Variants in SLC43A1 observed in about 807,000 individuals in gnomAD.
The protein encoded by SLC43A1 is solute carrier family 43 member 1, also known as large neutral amino acids transporter small subunit 3.
Under a neutral mutation model 59.5 loss-of-function variants are expected in SLC43A1, and 31 were observed. The observed-to-expected ratio is 0.52, with a 90% CI of 0.39 to 0.70. The LOEUF is 0.70. SLC43A1 is among the 30% of genes least tolerant of loss of function. The pLI, the probability that SLC43A1 is intolerant of heterozygous loss-of-function variation, is 0.00. For synonymous variants in SLC43A1, 259 were observed against 290.9 expected, an observed-to-expected ratio of 0.89 and a Z score of 1.12; for missense variants, 598 against 717.8, an observed-to-expected ratio of 0.83 and a Z score of 1.91.
In SLC43A1 at chr11:57,514,133, A is replaced by C; in HGVS notation, c.-13-9T>G. The C allele has an allele frequency of 1.3e-6, 2 of 1,571,742 alleles. No homozygotes were observed. The highest frequency in any genetic ancestry group is 1.7e-6 in the Non-Finnish European group (2 of 1,161,100). ...CCATGCTGGCCCCGAGCCTGCACAG[A>C]AACAGAGCGCTGGGTGAAGGGCCCC... On this transcript the variant is annotated splice_polypyrimidine_tract_variant and intron_variant, in intron 1 of 14. Transcript: ENST00000278426. The surrounding 1 kb of genome is among the most constrained non-coding windows in gnomAD (Gnocchi z 5.5).
At chr11:57,493,516 C>T (rs946702034) in intron 8 of SLC43A1, among the ~76,000 whole-genome samples, 1 of 152,206 alleles carries the variant, frequency 6.6e-6, no homozygotes, top group Admixed American at 6.5e-5. Context: ...CCAAGGAGCT[C>T]CTTCCACTTA....
At chr11:57,497,280 G>A in intron 6 of SLC43A1, among the ~76,000 whole-genome samples, 1 of 152,168 alleles carries the variant, frequency 6.6e-6, no homozygotes, top group East Asian at 1.9e-4. Context: ...TTGGTCCCCT[G>A]GCTTCGAGGT....
Position 57,491,829 on chromosome 11 carries a change from G to A in SLC43A1, c.905C>T (p.Pro302Leu). The change falls in exon 9 of 15, where the codon CCC (proline) becomes CTC (leucine). Residue 302 changes from proline (P) to leucine (L), a missense_variant. Coordinates refer to ENST00000278426, the MANE Select transcript of SLC43A1 (RefSeq NM_003627.6). ...SVPLRKSLCSPTFLWSLLTMG... is the reference protein window; with the variant it reads ...SVPLRKSLCSLTFLWSLLTMG... ...GGTGAGGAGGCTCCACAGGAAAGTG[G>A]GGGAGCAGAGGCTCTTGCGTAAGGG... is the stretch of plus-strand genomic sequence containing the variant. The A allele has an allele frequency of 1.2e-6, 2 of 1,614,184 alleles. No individual in the cohort carries two copies. The highest frequency in any genetic ancestry group is 1.7e-6 in the Non-Finnish European group (2 of 1,180,022).
intron 5 of SLC43A1, 41 bp downstream of exon 5, chr11:57,500,738 T>G: frequency 6.3e-7 from 1 of 1,590,132 alleles, no homozygotes; most frequent in Non-Finnish European, 8.6e-7. Context: ...CTCACCCCAC[T>G]CGGGGGAACT....
At chr11:57,493,840 C>T (rs548410136) in intron 8 of SLC43A1, among the ~76,000 whole-genome samples, 153 bp downstream of exon 8, 55 of 152,290 alleles carry the variant, frequency 3.6e-4, no homozygotes, top group Admixed American at 6.5e-4. Context: ...TTTGATGTGC[C>T]CATCTGTAAA....
intron 2 of SLC43A1, among the ~76,000 whole-genome samples, chr11:57,509,642 G>T (rs1253629883): frequency 3.1e-5 from 4 of 129,974 alleles, no homozygotes; most frequent in African/African-American, 1.2e-4. Flanking sequence ...AGGAAGGAAG[G>T]AAGGAAGGAG....
chr11:57,500,943 C>A, intron 4 of SLC43A1, 45 bp downstream of exon 4: 1 of 1,598,462 alleles, frequency 6.3e-7, no homozygotes, highest in East Asian at 2.3e-5. Context: ...GCCTTCATCC[C>A]ACCTATTCTT....
rs1247849783 is a variant in SLC43A1 at position 57,492,494 on chromosome 11, TATATA to T, written c.872-637_872-633del. ...AATTTATATATAAAAAATAATATAA[TATATA>T]ATATAATATATAATAATATAATATA... On this transcript the variant is annotated intron_variant, in intron 8 of 14. Transcript: ENST00000278426. Among the ~76,000 whole-genome samples the T allele has an allele frequency of 6.9e-4, 86 of 125,032 alleles. 1 individual carries two copies. The highest frequency in any genetic ancestry group is 2.2e-3 in the African/African-American group (70 of 31,538). 82.0% of individuals were successfully genotyped at this position (125,032 alleles called of 152,430 possible).
At position 57,496,043 on chromosome 11, in the gene SLC43A1, T is replaced by C. The variant is rs1196191575; in HGVS notation, c.680A>G (p.Glu227Gly). The C allele has an allele frequency of 6.2e-6, 10 of 1,613,872 alleles. 1 individual carries two copies. In the South Asian group the frequency reaches 9.9e-5, roughly 16 times the overall value. The change falls in exon 7 of 15, where the codon GAA becomes GGA. Residue 227 changes from glutamate (E) to glycine (G), a missense_variant. Glu to Gly is a moderately conservative substitution (Grantham distance 98). Coordinates refer to ENST00000278426, the MANE Select transcript of SLC43A1 (RefSeq NM_003627.6). The stretch of plus-strand genomic sequence containing the variant: ...TCCAGCCACTCACGTGTAATTGACT[T>C]CCTCAGGGGCAGGAAAGGCTTCGAT... ...WPIEAFPAPE[E>G]VNYTKKIKLS...
intron 2 of SLC43A1, among the ~76,000 whole-genome samples, chr11:57,510,574 A>T (rs944829822): frequency 6.6e-6 from 1 of 151,814 alleles, no homozygotes. Flanking sequence ...GTCCCAGTGC[A>T]GTGGTGTTTA....
Position 57,489,375 on chromosome 11 carries a change from T to C in SLC43A1, c.1211A>G (p.Lys404Arg). ...CTTGCAGTAGCGTGGTCTGATGGAT[T>C]TGGTAGCAACCCCGTCCCTGAGGAG... ...LGDARDGVAT[K>R]SIRPRYCKIQ... Residue 404 changes from lysine to arginine, a missense_variant, in exon 12 of 15, where the codon AAA (lysine) becomes AGA (arginine). By Grantham distance (26) the Lys-to-Arg change is conservative. Coordinates refer to ENST00000278426, the MANE Select transcript of SLC43A1 (RefSeq NM_003627.6). 1.2e-6 allele frequency: 2 copies of C among 1,614,126 alleles called. No homozygotes were observed. Among genetic ancestry groups the C allele is most frequent in the East Asian group, 2.2e-5 (1 of 44,870 alleles).
chr11:57,491,643 G>A lies in SLC43A1; in HGVS notation c.1019-17C>T, dbSNP rs780476676. 19 of 1,614,176 alleles carry A rather than the reference G, an allele frequency of 1.2e-5. No individual in the cohort carries two copies. In the East Asian group the frequency reaches 1.6e-4, roughly 13 times the overall value. ...CATTTGTCTCTGTGGGTAGGGAAAC[G>A]TATGGTGAGGGGAGCTCAGCCAGGG... On this transcript the variant is annotated splice_polypyrimidine_tract_variant and intron_variant, in intron 9 of 14. Coordinates refer to ENST00000278426, the MANE Select transcript of SLC43A1 (RefSeq NM_003627.6).
rs200129666 is a variant in SLC43A1 at position 57,491,542 on chromosome 11, G to A, written c.1054+49C>T. 10,853 of 1,611,248 alleles carry A rather than the reference G, an allele frequency of 6.7e-3. 58 individuals are homozygous for A. The highest frequency in any genetic ancestry group is 8.2e-3 in the Non-Finnish European group (9,670 of 1,177,946). ...GAGGAGTCCCGCCCCCTGAGAAGCGGGTTGCAGTGGGGTGGGCGTGAGCCA... is the reference window on the plus strand; with the variant it reads ...GAGGAGTCCCGCCCCCTGAGAAGCGAGTTGCAGTGGGGTGGGCGTGAGCCA... On this transcript the variant is annotated intron_variant, in intron 10 of 14. Coordinates refer to ENST00000278426, the MANE Select transcript of SLC43A1 (RefSeq NM_003627.6).
chr11:57,513,294 C>G (rs2135234534), intron 2 of SLC43A1, among the ~76,000 whole-genome samples: 1 of 152,326 alleles, frequency 6.6e-6, no homozygotes. Context: ...GCACAGCTCT[C>G]TCCTTCCCAG....
intron 5 of SLC43A1, among the ~76,000 whole-genome samples, chr11:57,498,388 C>T (rs1473218844): frequency 1.3e-5 from 2 of 152,000 alleles, no homozygotes; most frequent in East Asian, 3.9e-4. Flanking sequence ...TTGCAGTGAG[C>T]CGAGATCGCA....
chr11:57,497,431 C>T (rs1027586969), intron 6 of SLC43A1, among the ~76,000 whole-genome samples: 22 of 152,194 alleles, frequency 1.4e-4, no homozygotes, highest in African/African-American at 4.3e-4. Context: ...GGACCTTGAA[C>T]GCATGTGAAG....
chr11:57,495,485 T>G (rs964900631), intron 7 of SLC43A1, among the ~76,000 whole-genome samples: 1 of 151,698 alleles, frequency 6.6e-6, no homozygotes. Flanking sequence ...TAAATAAATA[T>G]TTACCATGTT....
chr11:57,498,798 G>A (rs1274585674), intron 5 of SLC43A1, among the ~76,000 whole-genome samples: 1 of 152,220 alleles, frequency 6.6e-6, no homozygotes, highest in East Asian at 1.9e-4. Flanking sequence ...CCCACACCAG[G>A]AGAGAATTTA....
chr11:57,496,175 AG>A lies in SLC43A1; in HGVS notation c.559-12del. 6.2e-7 allele frequency: 1 copy of A among 1,613,676 alleles called. No homozygotes were observed. Among genetic ancestry groups the A allele is most frequent in the Non-Finnish European group, 8.5e-7 (1 of 1,179,830 alleles). ...GGCATCGTAGATCAGCTGTGAGAGG[AG>A]GGGGCAGGCCCGTGGGGGAGACTGC... On this transcript the variant is annotated splice_polypyrimidine_tract_variant and intron_variant, in intron 6 of 14. Coordinates refer to ENST00000278426, the MANE Select transcript of SLC43A1 (RefSeq NM_003627.6).
Sources: allele counts gnomAD v4.1 joint callset (sites outside exome capture counted in the v4.1 genomes callset), GRCh38; gene constraint gnomAD v4.1.1; non-coding constraint Gnocchi (gnomAD v3.1); transcripts MANE v1.5; gene names NCBI Gene and HGNC (gene_info 2026-07-23, HGNC 2026-07-21).